Variants in LRRC4C observed in about 807,000 individuals in gnomAD.
The protein encoded by LRRC4C is leucine-rich repeat-containing protein 4C.
LRRC4C carries 5 observed loss-of-function variants against 33.6 expected under a neutral mutation model. The ratio of observed to expected loss-of-function variants is 0.15; its 90% CI spans 0.08 to 0.31. The LOEUF (loss-of-function observed/expected upper bound fraction) is 0.31. Among genes scored for constraint, LRRC4C ranks in the 10% least tolerant of loss-of-function variants. The pLI is 1.00. For synonymous variants in LRRC4C, 329 were observed against 302.0 expected (o/e 1.09, Z -0.93); for missense variants, 560 against 796.7 (o/e 0.70, Z 3.58).
intron 2 of LRRC4C, among the ~76,000 whole-genome samples, chr11:40,845,238 G>A (rs189575537): frequency 1.3e-5 from 2 of 151,992 alleles, no homozygotes; most frequent in East Asian, 3.9e-4. Flanking sequence ...CATGTGCCAT[G>A]GTGGTTTGCT....
chr11:41,342,387 A>G (rs757510442), intron 1 of LRRC4C, among the ~76,000 whole-genome samples: 6 of 152,288 alleles, frequency 3.9e-5, no homozygotes, highest in Admixed American at 2.6e-4. Flanking sequence ...TCCTGGAATT[A>G]TTTAGAAATG....
chr11:41,389,621 T>C lies in LRRC4C; in HGVS notation c.-496+69810A>G, dbSNP rs1295789606. ...CAGCTGTAATCAACCAAGCCTAATC[T>C]AGGATAACAGTGAGCAGCAAAAAAA... is the stretch of plus-strand genomic sequence containing the variant. On this transcript the variant is annotated intron_variant, in intron 1 of 6. Transcript: ENST00000528697. 9.8e-5 allele frequency among the ~76,000 whole-genome samples: 6 copies of C among 60,990 alleles called. No individual in the cohort carries two copies. The East Asian group carries it at 3.8e-3, about 39-fold the overall frequency. 40.0% of individuals were successfully genotyped at this position (60,990 alleles called of 152,430 possible). A position where few individuals can be genotyped will look rare whatever the true frequency, so the allele number is the denominator to read the frequency against.
At chr11:40,379,668 T>C (rs1419585953) in intron 3 of LRRC4C, among the ~76,000 whole-genome samples, 1 of 152,246 alleles carries the variant, frequency 6.6e-6, no homozygotes, top group African/African-American at 2.4e-5. Flanking sequence ...GAATCACTGC[T>C]ATATCTGATG....
At chr11:40,680,988 G>T (rs1209111827) in intron 2 of LRRC4C, among the ~76,000 whole-genome samples, 1 of 152,154 alleles carries the variant, frequency 6.6e-6, no homozygotes, top group Non-Finnish European at 1.5e-5. Context: ...GAAGCTAGTG[G>T]CTACATTATT....
At chr11:40,605,212 A>AT (rs770748274) in intron 3 of LRRC4C, among the ~76,000 whole-genome samples, 1 of 152,080 alleles carries the variant, frequency 6.6e-6, no homozygotes, top group East Asian at 1.9e-4. Flanking sequence ...GGACAAAGCG[A>AT]TTTTTTTAAT....
At chr11:40,120,551 TAAAATAACATAGCATGC>T (rs1855751837) in intron 6 of LRRC4C, among the ~76,000 whole-genome samples, 1 of 152,064 alleles carries the variant, frequency 6.6e-6, no homozygotes, top group Non-Finnish European at 1.5e-5. Flanking sequence ...TTATTGGGCA[TAAAATAACATAGCATGC>T]AAAATCCCTG....
At chr11:40,759,435 T>A (rs7113513) in intron 2 of LRRC4C, among the ~76,000 whole-genome samples, 89,356 of 151,360 alleles carry the variant, frequency 0.59, 26,968 homozygotes, top group Non-Finnish European at 0.65. Context: ...AATACCATCT[T>A]AAGATTTGCT....
intron 1 of LRRC4C, among the ~76,000 whole-genome samples, chr11:41,182,131 A>G (rs1005617851): frequency 6.6e-6 from 1 of 152,182 alleles, no homozygotes; most frequent in Non-Finnish European, 1.5e-5. Flanking sequence ...TTTTAAAGCA[A>G]TTATACTCAT....
At chr11:40,987,971 G>C (rs1452153949) in intron 1 of LRRC4C, among the ~76,000 whole-genome samples, 2 of 151,978 alleles carry the variant, frequency 1.3e-5, no homozygotes, top group African/African-American at 4.8e-5. Flanking sequence ...AAAAAACCCA[G>C]CTGAACTCTT....
At chr11:40,882,190 T>C (rs1033785138) in intron 2 of LRRC4C, among the ~76,000 whole-genome samples, 1 of 151,934 alleles carries the variant, frequency 6.6e-6, no homozygotes, top group African/African-American at 2.4e-5. Flanking sequence ...CTAAGCTTGC[T>C]GCTCTACACA....
At chr11:40,659,531 C>T (rs1045149414) in intron 2 of LRRC4C, among the ~76,000 whole-genome samples, 3 of 152,124 alleles carry the variant, frequency 2.0e-5, no homozygotes, top group Admixed American at 2.0e-4. Flanking sequence ...TCAGCATGCA[C>T]TTCCTCCCTT....
chr11:41,440,552 A>T (rs1023823), intron 1 of LRRC4C, among the ~76,000 whole-genome samples: 18,050 of 151,948 alleles, frequency 0.12, 1,353 homozygotes, highest in Non-Finnish European at 0.16. Flanking sequence ...TGTTTTTTTT[A>T]AAAAAAAGTA....
chr11:41,361,145 G>A (rs1328519400), intron 1 of LRRC4C, among the ~76,000 whole-genome samples: 1 of 152,182 alleles, frequency 6.6e-6, no homozygotes, highest in African/African-American at 2.4e-5. Flanking sequence ...CACCAGGCAT[G>A]AGTGGATATT....
At chr11:40,825,948 G>C (rs1020911937) in intron 2 of LRRC4C, among the ~76,000 whole-genome samples, 14 of 55,268 alleles carry the variant, frequency 2.5e-4, no homozygotes, top group Middle Eastern at 7.4e-3. Context: ...TCTGGGGGGG[G>C]GGCGTCTCAC....
intron 1 of LRRC4C, among the ~76,000 whole-genome samples, chr11:41,438,832 C>T (rs928671137): frequency 4.6e-5 from 7 of 151,956 alleles, no homozygotes; most frequent in African/African-American, 9.7e-5. Context: ...GTAAGGAAAC[C>T]GATTTGATTC....
intron 2 of LRRC4C, among the ~76,000 whole-genome samples, chr11:40,715,564 T>C (rs1946662389): frequency 6.6e-6 from 1 of 152,220 alleles, no homozygotes; most frequent in African/African-American, 2.4e-5. Flanking sequence ...AGAAAATCCT[T>C]GTGCATGCTC....
At chr11:40,823,704 T>C (rs1205166915) in intron 2 of LRRC4C, among the ~76,000 whole-genome samples, 3 of 151,824 alleles carry the variant, frequency 2.0e-5, no homozygotes, top group African/African-American at 7.2e-5. Context: ...AGCAAGGATG[T>C]ACAAATCTGG....
chr11:40,416,963 T>A (rs902847796), intron 3 of LRRC4C, among the ~76,000 whole-genome samples: 1 of 152,252 alleles, frequency 6.6e-6, no homozygotes, highest in East Asian at 1.9e-4. Context: ...TATGCCTTCA[T>A]GACTTTGAAT....
chr11:41,319,264 A>C (rs1388313484), intron 1 of LRRC4C, among the ~76,000 whole-genome samples: 7 of 152,202 alleles, frequency 4.6e-5, no homozygotes, highest in Admixed American at 1.3e-4. Context: ...AAATGCTGTA[A>C]TAGAAACCAT....
Sources: gnomAD v4.1 joint callset for allele counts (sites outside exome capture counted in the v4.1 genomes callset) on GRCh38, gnomAD v4.1.1 for gene constraint, MANE v1.5 for transcripts, NCBI Gene and HGNC (gene_info 2026-07-23, HGNC 2026-07-21) for gene names.